The following HDAC9 variants were observed in gnomAD, a reference collection of about 807,000 sequenced individuals.
HDAC9 encodes MEF-2 interacting transcription repressor (MITR) protein.
Under a neutral mutation model 139.4 loss-of-function variants are expected in HDAC9, and 41 were observed. That is an observed-to-expected ratio of 0.29 (90% confidence interval 0.23 to 0.38). The LOEUF (loss-of-function observed/expected upper bound fraction) is 0.38, where lower values mean the gene tolerates loss of function less well. Among genes scored for constraint, HDAC9 ranks in the 10% least tolerant of loss-of-function variants. The pLI is 1.00. For missense variants in HDAC9, 1,147 were observed against 1,297.0 expected, an observed-to-expected ratio of 0.88 and a Z score of 1.78; for synonymous variants, 517 against 476.2, an observed-to-expected ratio of 1.09 and a Z score of -1.12.
chr7:18,216,266 T>C (rs988767657), intron 2 of HDAC9, among the ~76,000 whole-genome samples: 1 of 152,178 alleles, frequency 6.6e-6, no homozygotes, highest in Non-Finnish European at 1.5e-5. Flanking sequence ...TATTTGAAAG[T>C]TTAACAAAAT....
At position 18,921,232 on chromosome 7, in the gene HDAC9, G is replaced by A. The variant is rs1488200700; in HGVS notation, c.2804-14577G>A. Among the ~76,000 whole-genome samples, 10 of 152,132 alleles carry A rather than the reference G, an allele frequency of 6.6e-5. No individual in the cohort carries two copies. In the South Asian group the frequency reaches 8.3e-4, roughly 13 times the overall value. ...GCAACAAAAGCCAAAATTGACAAATGGGATCTAATTAGACTAAAGAGCTTC... is the reference window on the plus strand; with the variant it reads ...GCAACAAAAGCCAAAATTGACAAATAGGATCTAATTAGACTAAAGAGCTTC... On this transcript the variant is annotated intron_variant, in intron 22 of 25. Coordinates refer to ENST00000686413, the MANE Select transcript of HDAC9 (RefSeq NM_178425.4).
At chr7:18,706,716 G>A (rs970191564) in intron 12 of HDAC9, among the ~76,000 whole-genome samples, 15 of 152,150 alleles carry the variant, frequency 9.9e-5, no homozygotes, top group African/African-American at 3.6e-4. Context: ...TAGAGGTAAA[G>A]GGTGCTGCTA....
chr7:18,540,103 C>CAAAAAAAAAAA (rs34620445), intron 2 of HDAC9, among the ~76,000 whole-genome samples: 3 of 58,416 alleles, frequency 5.1e-5, no homozygotes, highest in African/African-American at 1.9e-4. Flanking sequence ...ACTAAAAATA[C>CAAAAAAAAAAA]AAAAAAAAAA....
At chr7:18,716,046 A>G (rs189262954) in intron 12 of HDAC9, among the ~76,000 whole-genome samples, 6 of 152,334 alleles carry the variant, frequency 3.9e-5, no homozygotes, top group African/African-American at 9.6e-5. Context: ...TTATATCCAG[A>G]CTCTAATTAT....
At chr7:18,474,136 C>G (rs898929795) in intron 1 of HDAC9, among the ~76,000 whole-genome samples, 9 of 152,176 alleles carry the variant, frequency 5.9e-5, no homozygotes, top group African/African-American at 1.9e-4. Context: ...TCTCTCTCAA[C>G]TTTTCTATGT....
intron 22 of HDAC9, among the ~76,000 whole-genome samples, chr7:18,917,207 C>T (rs746690279): frequency 2.0e-5 from 3 of 151,998 alleles, no homozygotes; most frequent in Non-Finnish European, 4.4e-5. Flanking sequence ...CTGATCTCTC[C>T]GCTCAGACAC....
chr7:18,746,683 A>G (rs1249492549), intron 13 of HDAC9, among the ~76,000 whole-genome samples: 1 of 152,174 alleles, frequency 6.6e-6, no homozygotes, highest in Non-Finnish European at 1.5e-5. Flanking sequence ...GGATACATTC[A>G]TTCATTTACA....
chr7:18,849,460 C>A (rs1230665000), intron 21 of HDAC9, among the ~76,000 whole-genome samples: 1 of 152,094 alleles, frequency 6.6e-6, no homozygotes, highest in Non-Finnish European at 1.5e-5. Flanking sequence ...TAATATTTTA[C>A]AGTCATATAT....
At chr7:18,350,438 T>A (rs887783043) in intron 1 of HDAC9, among the ~76,000 whole-genome samples, 5 of 152,194 alleles carry the variant, frequency 3.3e-5, no homozygotes, top group African/African-American at 1.2e-4. Flanking sequence ...CAATCACGTA[T>A]CTTCATCAAT....
intron 13 of HDAC9, among the ~76,000 whole-genome samples, chr7:18,728,478 T>C (rs1457140307): frequency 6.6e-6 from 1 of 150,904 alleles, no homozygotes; most frequent in African/African-American, 2.4e-5. Flanking sequence ...AAAGGAACAG[T>C]GCTGTACATA....
intron 1 of HDAC9, among the ~76,000 whole-genome samples, chr7:18,370,207 C>A (rs993372030): frequency 6.6e-6 from 1 of 152,158 alleles, no homozygotes; most frequent in African/African-American, 2.4e-5. Context: ...TCTCCCTGTA[C>A]TCACTAGCAA....
At chr7:18,849,622 T>C (rs555366352) in intron 21 of HDAC9, among the ~76,000 whole-genome samples, 2 of 152,290 alleles carry the variant, frequency 1.3e-5, no homozygotes, top group African/African-American at 4.8e-5. Context: ...GAACATATAA[T>C]TGGTTTTATA....
intron 19 of HDAC9, among the ~76,000 whole-genome samples, chr7:18,832,769 C>G (rs909874964): frequency 5.3e-5 from 8 of 152,086 alleles, no homozygotes; most frequent in Non-Finnish European, 7.4e-5. Context: ...GAGTTTCGCT[C>G]TTGTTGCCCA....
chr7:18,565,418 A>C (rs1034667190), intron 2 of HDAC9, among the ~76,000 whole-genome samples: 1 of 152,218 alleles, frequency 6.6e-6, no homozygotes, highest in African/African-American at 2.4e-5. Flanking sequence ...CAGCATCTTA[A>C]TATCCAAACT....
intron 1 of HDAC9, among the ~76,000 whole-genome samples, chr7:18,450,259 A>G (rs578220135): frequency 1.3e-5 from 2 of 152,362 alleles, no homozygotes; most frequent in East Asian, 3.9e-4. Context: ...ACTAAATGGT[A>G]CATAACAGTG....
At chr7:18,732,718 TACACAC>T (rs371390037) in intron 13 of HDAC9, among the ~76,000 whole-genome samples, 1 of 97,922 alleles carries the variant, frequency 1.0e-5, no homozygotes, top group Non-Finnish European at 1.9e-5. Flanking sequence ...TGCGTATGTG[TACACAC>T]ACACACGTGT....
intron 21 of HDAC9, 40 bp from the exon 22 acceptor site, chr7:18,874,438 A>G (rs1799167657): frequency 2.3e-6 from 3 of 1,312,242 alleles, no homozygotes; most frequent in Non-Finnish European, 3.2e-6. Flanking sequence ...AAAGGTATTC[A>G]CCAGTCCCAC....
chr7:18,324,584 A>G (rs958445550), intron 1 of HDAC9, among the ~76,000 whole-genome samples: 4 of 152,272 alleles, frequency 2.6e-5, no homozygotes, highest in South Asian at 2.1e-4. Context: ...GCTACTCACA[A>G]TGTGGTCCTC....
At chr7:18,231,350 T>C (rs545885205) in intron 2 of HDAC9, among the ~76,000 whole-genome samples, 181 of 152,288 alleles carry the variant, frequency 1.2e-3, no homozygotes, top group African/African-American at 4.1e-3. Flanking sequence ...TCTGCGTTTC[T>C]CCCCACTTTA....
Sources: allele counts gnomAD v4.1 joint callset (sites outside exome capture counted in the v4.1 genomes callset), GRCh38; gene constraint gnomAD v4.1.1; transcripts MANE v1.5; gene names NCBI Gene and HGNC (gene_info 2026-07-23, HGNC 2026-07-21).